IL1RL1: variants seen among roughly 807,000 people sequenced by gnomAD.
IL1RL1 encodes the protein interleukin 1 receptor like 1.
IL1RL1 carries 32 observed loss-of-function variants against 50.9 expected under a neutral mutation model. The observed-to-expected ratio is 0.63, with a 90% CI of 0.47 to 0.84. The LOEUF is 0.84. Ranked by LOEUF, IL1RL1 falls within the 40% of genes least tolerant of loss-of-function variation. IL1RL1 has a pLI of 0.00. For synonymous variants in IL1RL1, 275 were observed against 236.0 expected (o/e 1.17, Z -1.51); for missense variants, 773 against 662.9 (o/e 1.17, Z -1.82).
chr2:102,326,006 A>G (rs1346609230), intron 1 of IL1RL1, among the ~76,000 whole-genome samples: 1 of 152,184 alleles, frequency 6.6e-6, no homozygotes, highest in East Asian at 1.9e-4. Flanking sequence ...AGAGAACACC[A>G]CAAAGATACT....
rs1207758548 is a variant in IL1RL1 at position 102,343,879 on chromosome 2, A to C, written c.970+464A>C. The C allele has an allele frequency of 1.1e-5, 11 of 999,510 alleles. No homozygotes were observed. The African/African-American group carries it at 1.9e-4, about 17-fold the overall frequency. The allele number at this position is 999,510 out of a possible 1,614,324, so 61.9% of individuals were successfully genotyped here. A position where few individuals can be genotyped will look rare whatever the true frequency, so the allele number is the denominator to read the frequency against. The stretch of plus-strand genomic sequence containing the variant: ...AGCGAGGGTGGTAAAGTGAACAAAA[A>C]GGGGAAGTATCAAACTACTGCCATT... On this transcript the variant is annotated intron_variant, in intron 8 of 10. Coordinates refer to ENST00000233954, the MANE Select transcript of IL1RL1 (RefSeq NM_016232.5).
intron 1 of IL1RL1, among the ~76,000 whole-genome samples, chr2:102,312,011 A>AATATATATTATATATAT (rs1676522715): frequency 8.1e-5 from 3 of 36,972 alleles, no homozygotes; most frequent in African/African-American, 4.0e-4. Context: ...ATTTATATAT[A>AATATATATTATATATAT]TTATATATAA....
chr2:102,311,847 T>C (rs1676484732), intron 1 of IL1RL1, among the ~76,000 whole-genome samples: 1 of 73,918 alleles, frequency 1.4e-5, no homozygotes, highest in South Asian at 2.8e-4. Flanking sequence ...ATAATTGTAA[T>C]ATATAATATA....
intron 3 of IL1RL1, 37 bp downstream of exon 3, chr2:102,339,084 C>A (rs1677445425): frequency 6.8e-7 from 1 of 1,465,874 alleles, no homozygotes; most frequent in South Asian, 1.1e-5. Context: ...TTTCACCCTG[C>A]TCCCCTTTCT....
chr2:102,348,285 T>A (rs78303888), intron 9 of IL1RL1, among the ~76,000 whole-genome samples, 194 bp downstream of exon 9: 41 of 152,290 alleles, frequency 2.7e-4, no homozygotes, highest in Non-Finnish European at 5.0e-4. Flanking sequence ...ATCCTCACGG[T>A]CCTGAGATCC....
At chr2:102,321,287 A>T (rs908464703) in intron 1 of IL1RL1, among the ~76,000 whole-genome samples, 3 of 152,190 alleles carry the variant, frequency 2.0e-5, no homozygotes, top group Admixed American at 6.5e-5. Flanking sequence ...CCTGTAGGAC[A>T]TGAATTCCAC....
intron 1 of IL1RL1, among the ~76,000 whole-genome samples, chr2:102,327,951 T>C (rs1677061041): frequency 6.6e-6 from 1 of 152,168 alleles, no homozygotes; most frequent in Admixed American, 6.5e-5. Context: ...TACCATTCCT[T>C]CTGAAACTAT....
chr2:102,340,837 C>T lies in IL1RL1; in HGVS notation c.610+9C>T, dbSNP rs1677531533. 2 of 1,560,874 alleles carry T rather than the reference C, an allele frequency of 1.3e-6. No individual in the cohort carries two copies. Among genetic ancestry groups the T allele is most frequent in the Admixed American group, 2.2e-5 (1 of 44,626 alleles). On this transcript the variant is annotated intron_variant, in intron 5 of 10. Transcript: ENST00000233954. ...GTCCTTCACGGTCAAGGGTAAGCTA[C>T]TGACATTAATGAGATAGAATACTAC...
chr2:102,351,597 C>T lies in IL1RL1; in HGVS notation c.1347C>T (p.Thr449=). ...RKSRRHIFIL[T]PQITHNKEFA... is the part of the protein sequence containing the mutation. ...GCAGGCGGCACATTTTCATCCTGAC[C>T]CCTCAGATCACTCACAATAAGGAGT... The change falls in exon 11 of 11, where the codon ACC becomes ACT. Residue 449 remains threonine (T), a synonymous_variant. Transcript: ENST00000233954. 6.8e-6 allele frequency: 11 copies of T among 1,614,032 alleles called. No homozygotes were observed. The highest frequency in any genetic ancestry group is 9.3e-6 in the Non-Finnish European group (11 of 1,179,936).
rs1050821999 is a variant in IL1RL1 at position 102,342,933 on chromosome 2, G to A, written c.683-103G>A. On this transcript the variant is annotated intron_variant, in intron 6 of 10. Transcript: ENST00000233954. ...GATGAGGGAGGGAGGTCCTGGTGGG[G>A]TGCATACTAAGTGTTCAGTAAGGTT... The A allele has an allele frequency of 9.2e-6, 10 of 1,082,706 alleles. No individual in the cohort carries two copies. In the African/African-American group the frequency reaches 1.3e-4, roughly 14 times the overall value. 67.1% of individuals were successfully genotyped at this position (1,082,706 alleles called of 1,614,324 possible).
intron 6 of IL1RL1, 78 bp from the exon 7 acceptor site, chr2:102,342,956 GTT>G: frequency 1.6e-6 from 2 of 1,230,376 alleles, no homozygotes; most frequent in Non-Finnish European, 2.2e-6. Context: ...GTTCAGTAAG[GTT>G]TTTTTTTTAC....
rs765566002 is a variant in IL1RL1, at chr2:102,351,796, C to A, written c.1546C>A (p.His516Asn). ...GGGGACCATCAAGTGGAGGGAGGAC[C>A]ACATTGCCAATAAAAGGTCCCTGAA... is the stretch of plus-strand genomic sequence containing the variant. ...VQGTIKWRED[H>N]IANKRSLNSK... The change falls in exon 11 of 11, where the codon CAC becomes AAC. Residue 516 changes from histidine to asparagine, a missense_variant. Transcript: ENST00000233954. The A allele has an allele frequency of 4.3e-6, 7 of 1,613,904 alleles. No homozygotes were observed. Among genetic ancestry groups the A allele is most frequent in the Non-Finnish European group, 5.9e-6 (7 of 1,179,982 alleles).
At chr2:102,347,783 C>T (rs1040055512) in intron 8 of IL1RL1, among the ~76,000 whole-genome samples, 162 bp from the exon 9 acceptor site, 1 of 152,134 alleles carries the variant, frequency 6.6e-6, no homozygotes, top group Admixed American at 6.6e-5. Context: ...TGTAGAGGCT[C>T]AATAAATGTG....
intron 8 of IL1RL1, among the ~76,000 whole-genome samples, chr2:102,346,269 G>A (rs1191226735): frequency 6.6e-6 from 1 of 151,994 alleles, no homozygotes; most frequent in East Asian, 1.9e-4. Context: ...CTATGTACAA[G>A]GACTCATCTG....
At chr2:102,317,013 A>G (rs796604487) in intron 1 of IL1RL1, among the ~76,000 whole-genome samples, 6 of 152,318 alleles carry the variant, frequency 3.9e-5, no homozygotes, top group African/African-American at 1.4e-4. Context: ...ATGTATACTC[A>G]GCTGCTTATA....
intron 10 of IL1RL1, among the ~76,000 whole-genome samples, chr2:102,349,537 C>A (rs1252282907): frequency 1.3e-5 from 2 of 152,120 alleles, no homozygotes; most frequent in African/African-American, 4.8e-5. Context: ...CCCTTGGTCC[C>A]CCACCAGGAT....
Position 102,332,175 on chromosome 2 carries a change from G to T in IL1RL1, c.-149-5941G>T, listed in dbSNP as rs550031245. Reference sequence around the variant, plus strand: ...AGACAAAACTCACAAAAATAATATTGCCTTCTGGAGGTCATATTCCAATGG... The same window carrying T: ...AGACAAAACTCACAAAAATAATATTTCCTTCTGGAGGTCATATTCCAATGG... On this transcript the variant is annotated intron_variant, in intron 1 of 10. Transcript: ENST00000233954. Among the ~76,000 whole-genome samples, 146 of 152,252 alleles carry T rather than the reference G, an allele frequency of 9.6e-4. 1 individual carries two copies. The highest frequency in any genetic ancestry group is 3.2e-3 in the African/African-American group (131 of 41,542).
chr2:102,339,727 G>A (rs974736103), intron 3 of IL1RL1, among the ~76,000 whole-genome samples: 2 of 152,050 alleles, frequency 1.3e-5, no homozygotes, highest in African/African-American at 2.4e-5. Flanking sequence ...TCATCTCAAA[G>A]CATTATTGTG....
At position 102,349,152 on chromosome 2, in the gene IL1RL1, A is replaced by G. The variant is rs1677864417; in HGVS notation, c.1191A>G (p.Val397=). ...CCAGTACAGATGGGGCCAGTCGTGT[A>G]GAGCACTTTGTTCACCAGATTCTGC... ...YKSSTDGASR[V]EHFVHQILPD... Residue 397 remains valine, a synonymous_variant, in exon 10 of 11, where the codon GTA becomes GTG. Coordinates refer to ENST00000233954, the MANE Select transcript of IL1RL1 (RefSeq NM_016232.5). The G allele has an allele frequency of 6.2e-7, 1 of 1,613,386 alleles. No homozygotes were observed. Among genetic ancestry groups the G allele is most frequent in the South Asian group, 1.1e-5 (1 of 91,064 alleles).
Sources: gnomAD v4.1 joint callset for allele counts (sites outside exome capture counted in the v4.1 genomes callset) on GRCh38, gnomAD v4.1.1 for gene constraint, MANE v1.5 for transcripts, NCBI Gene and HGNC (gene_info 2026-07-23, HGNC 2026-07-21) for gene names.